Variants in MEF2B observed in about 807,000 individuals in gnomAD.
MEF2B encodes myocyte-specific enhancer factor 2B.
MEF2B carries 15 observed loss-of-function variants against 32.2 expected under a neutral mutation model. That is an observed-to-expected ratio of 0.47 (90% confidence interval 0.31 to 0.72). MEF2B has a LOEUF of 0.72. Ranked by LOEUF, MEF2B falls within the 30% of genes least tolerant of loss-of-function variation. The pLI, the probability that MEF2B is intolerant of heterozygous loss-of-function variation, is 0.05. For synonymous variants in MEF2B, 205 were observed against 225.6 expected, an observed-to-expected ratio of 0.91 and a Z score of 0.82; for missense variants, 441 against 511.5, an observed-to-expected ratio of 0.86 and a Z score of 1.33.
At chr19:19,150,967 C>T (rs771761784) in intron 1 of MEF2B, among the ~76,000 whole-genome samples, 4 of 152,228 alleles carry the variant, frequency 2.6e-5, no homozygotes, top group Non-Finnish European at 5.9e-5. Flanking sequence ...CATGTTTAGA[C>T]CAAATGGGGC....
In MEF2B at chr19:19,145,599, G is replaced by A; in HGVS notation, c.*198C>T. 7.7e-7 allele frequency: 1 copy of A among 1,302,388 alleles called. No individual in the cohort carries two copies. The highest frequency in any genetic ancestry group is 1.4e-5 in the South Asian group (1 of 70,442). 80.7% of individuals were successfully genotyped at this position (1,302,388 alleles called of 1,614,324 possible). A position where few individuals can be genotyped will look rare whatever the true frequency, so the allele number is the denominator to read the frequency against. On this transcript the variant is annotated 3_prime_UTR_variant, in exon 9 of 9. Transcript: ENST00000424583. The surrounding 1 kb of genome is among the most constrained non-coding windows in gnomAD (Gnocchi z 4.6). ...CACGGACGCCACGCGCGTTTTATTT[G>A]TGGATATACACACAAATAGGAAGAA...
chr19:19,167,333 A>G (rs577990183), intron 1 of MEF2B, among the ~76,000 whole-genome samples: 8 of 146,888 alleles, frequency 5.4e-5, no homozygotes, highest in Middle Eastern at 3.4e-3. Flanking sequence ...CCTGGGCAAC[A>G]GAGTGAGACT....
At chr19:19,158,930 G>A (rs1177222262) in intron 1 of MEF2B, among the ~76,000 whole-genome samples, 2 of 151,428 alleles carry the variant, frequency 1.3e-5, no homozygotes. Flanking sequence ...TTGTGAGACT[G>A]ACTCGAAAGT....
chr19:19,150,909 C>A, intron 1 of MEF2B, 145 bp from the exon 2 acceptor site: 1 of 964,710 alleles, frequency 1.0e-6, no homozygotes, highest in South Asian at 1.6e-5. Context: ...GTCACTGTCG[C>A]AGACCCCGCC....
At chr19:19,150,834 C>T in intron 1 of MEF2B, 70 bp from the exon 2 acceptor site, 1 of 1,561,182 alleles carries the variant, frequency 6.4e-7, no homozygotes, top group Non-Finnish European at 8.8e-7. Flanking sequence ...AGCCTCACAC[C>T]TCTCCTCTGT....
chr19:19,146,030 G>A lies in MEF2B; in HGVS notation c.882-8C>T. 7.0e-7 allele frequency: 1 copy of A among 1,425,136 alleles called. No individual in the cohort carries two copies. Among genetic ancestry groups the A allele is most frequent in the Admixed American group, 3.1e-5 (1 of 31,752 alleles). The allele number at this position is 1,425,136 out of a possible 1,614,324, so 88.3% of individuals were successfully genotyped here. ...CCCAGGCTTCGGCCCCCACTGCAGGGGGAAAGAGAGAGGGAGGCCGTGAGC... is the reference window on the plus strand; with the variant it reads ...CCCAGGCTTCGGCCCCCACTGCAGGAGGAAAGAGAGAGGGAGGCCGTGAGC... On this transcript the variant is annotated splice_region_variant and splice_polypyrimidine_tract_variant and intron_variant, in intron 8 of 8. Coordinates refer to ENST00000424583, the MANE Select transcript of MEF2B (RefSeq NM_001145785.2).
At chr19:19,154,232 C>T (rs368529142) in intron 1 of MEF2B, among the ~76,000 whole-genome samples, 7 of 151,916 alleles carry the variant, frequency 4.6e-5, no homozygotes, top group African/African-American at 7.3e-5. Flanking sequence ...GGCGTGATCG[C>T]GGCTTACTGC....
At chr19:19,162,130 T>A (rs865955823) in intron 1 of MEF2B, among the ~76,000 whole-genome samples, 30 of 151,920 alleles carry the variant, frequency 2.0e-4, no homozygotes, top group African/African-American at 3.1e-4. Context: ...TATTATTATT[T>A]TTTTTTGAGA....
Position 19,160,982 on chromosome 19 carries a change from G to GC in MEF2B, c.-30+9222dup, listed in dbSNP as rs372675543. Among the ~76,000 whole-genome samples, 285 of 152,254 alleles carry GC rather than the reference G, an allele frequency of 1.9e-3. 2 individuals are homozygous for GC. Among genetic ancestry groups the GC allele is most frequent in the African/African-American group, 6.6e-3 (274 of 41,532 alleles). On this transcript the variant is annotated intron_variant, in intron 1 of 8. Transcript: ENST00000424583. ...GGCTCAGTTCACAGCGGTCCCTGGA[G>GC]CCCCGCACCTGCCCTCAGGGACTCA...
chr19:19,167,847 C>T (rs1357359356), intron 1 of MEF2B, among the ~76,000 whole-genome samples: 1 of 152,168 alleles, frequency 6.6e-6, no homozygotes, highest in Non-Finnish European at 1.5e-5. Context: ...AGCCTCTGTT[C>T]TCTTGGGGGA....
At chr19:19,146,186 G>T in intron 8 of MEF2B, 87 bp downstream of exon 8, 1 of 840,356 alleles carries the variant, frequency 1.2e-6, no homozygotes, top group Non-Finnish European at 1.7e-6. Flanking sequence ...TACCGGAAGT[G>T]TGCGCAGTAC....
chr19:19,145,943 C>T lies in MEF2B; in HGVS notation c.961G>A (p.Glu321Lys). ...PPTPPVSIKS[E>K]RLSPAPGGPG... ...CCCCCGGGGGCCGGAGAGAGGCGCTCAGACTTGATGCTGACTGGGGGGGTC... is the reference window on the plus strand; with the variant it reads ...CCCCCGGGGGCCGGAGAGAGGCGCTTAGACTTGATGCTGACTGGGGGGGTC... Residue 321 changes from glutamate to lysine, a missense_variant, in exon 9 of 9, where the codon GAG becomes AAG. Around this residue, in one of 2 missense-constraint regions of MEF2B, gnomAD observed 326 missense variants for 328.4 expected, o/e 0.99. Transcript: ENST00000424583. The surrounding 1 kb of genome is among the most constrained non-coding windows in gnomAD (Gnocchi z 4.6). The T allele has an allele frequency of 5.5e-6, 8 of 1,444,618 alleles. No homozygotes were observed. The highest frequency in any genetic ancestry group is 6.4e-6 in the Non-Finnish European group (7 of 1,099,708). The allele number at this position is 1,444,618 out of a possible 1,614,324, so 89.5% of individuals were successfully genotyped here.
intron 1 of MEF2B, among the ~76,000 whole-genome samples, chr19:19,155,753 G>C (rs959360556): frequency 2.0e-5 from 3 of 152,244 alleles, no homozygotes; most frequent in African/African-American, 7.2e-5. Context: ...GACAGACCCT[G>C]GTGGCCCATT....
In MEF2B at chr19:19,166,619, C is replaced by G. The variant is rs1389706150; in HGVS notation, c.-30+3586G>C. Among the ~76,000 whole-genome samples, 11 of 137,242 alleles carry G rather than the reference C, an allele frequency of 8.0e-5. No individual in the cohort carries two copies. In the Admixed American group the frequency reaches 8.3e-4, roughly 10 times the overall value. 90.0% of individuals were successfully genotyped at this position (137,242 alleles called of 152,430 possible). A position where few individuals can be genotyped will look rare whatever the true frequency, so the allele number is the denominator to read the frequency against. ...AATTAAAAAAAAAAAAAAAGCCAGG[C>G]AAGGTAGCACTCCCCTACAATCCCA... On this transcript the variant is annotated intron_variant, in intron 1 of 8. Transcript: ENST00000424583.
At chr19:19,147,314 G>A (rs1437268681) in intron 4 of MEF2B, 131 bp from the exon 5 acceptor site, 2 of 809,420 alleles carry the variant, frequency 2.5e-6, no homozygotes, top group Non-Finnish European at 1.6e-6. Context: ...CTCCCACCAG[G>A]CTCCCTACCT....
Position 19,146,397 on chromosome 19 carries a change from A to C in MEF2B, c.770-13T>G. ...CCCAGGCCATATTCTGGTGGGCAGG[A>C]ATTGGGGGCTGAGGCCTGGACATCT... On this transcript the variant is annotated splice_polypyrimidine_tract_variant and intron_variant, in intron 7 of 8. Transcript: ENST00000424583. 1 of 1,085,312 alleles carries C rather than the reference A, an allele frequency of 9.2e-7. No homozygotes were observed. The highest frequency in any genetic ancestry group is 1.3e-6 in the Non-Finnish European group (1 of 795,408). The allele number at this position is 1,085,312 out of a possible 1,614,324, so 67.2% of individuals were successfully genotyped here.
At chr19:19,165,734 G>A (rs1402582817) in intron 1 of MEF2B, among the ~76,000 whole-genome samples, 2 of 152,126 alleles carry the variant, frequency 1.3e-5, no homozygotes, top group African/African-American at 4.8e-5. Context: ...AGGAAGCCAG[G>A]CCAGCATCCA....
intron 1 of MEF2B, among the ~76,000 whole-genome samples, chr19:19,165,280 G>C (rs1222682003): frequency 1.3e-5 from 2 of 152,088 alleles, no homozygotes; most frequent in African/African-American, 2.4e-5. Context: ...GGCAGGGAGA[G>C]AGCTGCTTTG....
intron 1 of MEF2B, among the ~76,000 whole-genome samples, chr19:19,156,824 A>T (rs1223113335): frequency 1.3e-5 from 2 of 152,098 alleles, no homozygotes; most frequent in African/African-American, 2.4e-5. Context: ...GCAAATTTTT[A>T]AAAACTTTTT....
Sources: gnomAD v4.1 joint callset for allele counts (sites outside exome capture counted in the v4.1 genomes callset) on GRCh38, gnomAD v4.1.1 for gene constraint, gnomAD v4.1.1 regional missense constraint, Gnocchi (gnomAD v3.1) non-coding constraint, MANE v1.5 for transcripts, NCBI Gene and HGNC (gene_info 2026-07-23, HGNC 2026-07-21) for gene names.